TSHR: variants seen among roughly 807,000 people sequenced by gnomAD.
The protein encoded by TSHR is thyroid stimulating hormone receptor.
TSHR carries 51 observed loss-of-function variants against 64.1 expected under a neutral mutation model. The observed-to-expected ratio is 0.80, with a 90% CI of 0.64 to 1.01. The LOEUF (loss-of-function observed/expected upper bound fraction) is 1.01. Ranked by LOEUF, TSHR falls within the 50% of genes least tolerant of loss-of-function variation. The probability of loss-of-function intolerance (pLI) is 0.00; values close to 1 mark genes in which losing one functional copy is unlikely to be tolerated. For synonymous variants in TSHR, 361 were observed against 361.9 expected (o/e 1.00, Z 0.03); for missense variants, 877 against 942.8 (o/e 0.93, Z 0.91).
At chr14:81,016,005 A>G (rs553226837) in intron 1 of TSHR, among the ~76,000 whole-genome samples, 2 of 152,104 alleles carry the variant, frequency 1.3e-5, no homozygotes, top group South Asian at 2.1e-4. Context: ...TGTGCCACTT[A>G]AAAAAAATCC....
chr14:81,042,872 A>G (rs1234323267), intron 1 of TSHR, among the ~76,000 whole-genome samples: 2 of 152,202 alleles, frequency 1.3e-5, no homozygotes, highest in African/African-American at 4.8e-5. Flanking sequence ...TTACACAACT[A>G]TACATGTACT....
At position 81,144,292 on chromosome 14, in the gene TSHR, C is replaced by T; in HGVS notation, c.2234C>T (p.Ser745Phe). 1.2e-6 allele frequency: 2 copies of T among 1,614,142 alleles called. No homozygotes were observed. Among genetic ancestry groups the T allele is most frequent in the Non-Finnish European group, 1.7e-6 (2 of 1,180,014 alleles). The change falls in exon 10 of 10, where the codon TCC becomes TTC. Residue 745 changes from serine (S) to phenylalanine (F), a missense_variant. By Grantham distance (155) the Ser-to-Phe change is radical (BLOSUM62 -2). Coordinates refer to ENST00000298171, the MANE Select transcript of TSHR (RefSeq NM_000369.5). ...MEDVYELIEN[S>F]HLTPKKQGQI... ...GATGTCTATGAACTGATTGAAAACT[C>T]CCATCTAACCCCAAAGAAGCAAGGC...
chr14:81,114,533 C>A (rs1306805901), intron 8 of TSHR, among the ~76,000 whole-genome samples: 1 of 152,152 alleles, frequency 6.6e-6, no homozygotes, highest in East Asian at 1.9e-4. Context: ...GGTCCTACGC[C>A]CACGGAGTCT....
intron 1 of TSHR, among the ~76,000 whole-genome samples, chr14:80,975,274 T>C (rs539436055): frequency 3.2e-4 from 49 of 151,242 alleles, no homozygotes; most frequent in Admixed American, 3.1e-3. Context: ...GCAACACAAA[T>C]GAAGTATTTC....
chr14:80,989,609 C>T (rs1473227024), intron 1 of TSHR, among the ~76,000 whole-genome samples: 1 of 152,136 alleles, frequency 6.6e-6, no homozygotes, highest in Non-Finnish European at 1.5e-5. Flanking sequence ...TCCTACAAAT[C>T]CTTCAAGTCT....
At chr14:81,000,993 A>C (rs181360861) in intron 1 of TSHR, among the ~76,000 whole-genome samples, 5 of 152,148 alleles carry the variant, frequency 3.3e-5, no homozygotes, top group African/African-American at 1.2e-4. Flanking sequence ...AAGGAAAAAC[A>C]AGGACAGGCG....
intron 1 of TSHR, chr14:80,993,911 G>A (rs1888870662): frequency 6.6e-6 from 1 of 151,562 alleles, no homozygotes; most frequent in Admixed American, 6.6e-5. Context: ...ACACAAGTTT[G>A]AACTTCACAG....
chr14:81,013,805 A>G (rs1461906634), intron 1 of TSHR: 1 of 152,208 alleles, frequency 6.6e-6, no homozygotes, highest in Non-Finnish European at 1.5e-5. Flanking sequence ...TTAGAGTTCT[A>G]GAAAACATTG....
intron 2 of TSHR, among the ~76,000 whole-genome samples, chr14:81,063,745 T>C (rs981504579): frequency 2.0e-5 from 3 of 152,128 alleles, no homozygotes; most frequent in African/African-American, 7.2e-5. Context: ...TCAGTTTTAT[T>C]CCTAAGAGAG....
chr14:81,069,835 T>C (rs1013873792), intron 3 of TSHR, among the ~76,000 whole-genome samples: 2 of 152,074 alleles, frequency 1.3e-5, no homozygotes, highest in Non-Finnish European at 2.9e-5. Flanking sequence ...CAATAGAAAA[T>C]GATCCATAGG....
At chr14:81,141,086 A>T (rs575023413) in intron 9 of TSHR, among the ~76,000 whole-genome samples, 1 of 152,246 alleles carries the variant, frequency 6.6e-6, no homozygotes, top group Admixed American at 6.5e-5. Flanking sequence ...AGATCGTGCC[A>T]GTGCACTCCA....
At chr14:81,067,812 A>G (rs988958991) in intron 2 of TSHR, among the ~76,000 whole-genome samples, 2 of 148,990 alleles carry the variant, frequency 1.3e-5, no homozygotes, top group East Asian at 3.9e-4. Context: ...AGAACACTAG[A>G]GTGAATAAGA....
Position 81,108,551 on chromosome 14 carries a change from T to C in TSHR, c.692+99T>C, listed in dbSNP as rs750886782. On this transcript the variant is annotated intron_variant, in intron 8 of 9. Transcript: ENST00000298171. ...AAGGGGAGAATCTTATGTTCAAGGG[T>C]AGAAAATGTTGCTGTCTCGGGTAAA... The C allele has an allele frequency of 4.3e-6, 7 of 1,612,016 alleles. No individual in the cohort carries two copies. The Admixed American group carries it at 1.2e-4, about 27-fold the overall frequency.
intron 3 of TSHR, among the ~76,000 whole-genome samples, chr14:81,084,185 G>T (rs965053): frequency 6.6e-6 from 1 of 152,066 alleles, no homozygotes; most frequent in Non-Finnish European, 1.5e-5. Flanking sequence ...TAATCAATAC[G>T]CTTTAAGAGC....
chr14:81,034,052 T>G (rs2268473), intron 1 of TSHR, among the ~76,000 whole-genome samples: 36,273 of 152,082 alleles, frequency 0.24, 4,410 homozygotes, highest in South Asian at 0.32. Flanking sequence ...GCTTCCTCTT[T>G]AGAAGTAGGA....
At chr14:81,114,238 G>C (rs1173094608) in intron 8 of TSHR, among the ~76,000 whole-genome samples, 1 of 152,068 alleles carries the variant, frequency 6.6e-6, no homozygotes, top group African/African-American at 2.4e-5. Context: ...CGCAGAAGAC[G>C]GGTGATTTCT....
chr14:81,059,621 T>A (rs1425333133), intron 1 of TSHR, among the ~76,000 whole-genome samples: 3 of 152,152 alleles, frequency 2.0e-5, no homozygotes, highest in African/African-American at 7.2e-5. Flanking sequence ...ATTATTTTTA[T>A]CTCAGGCTGA....
chr14:81,009,334 G>A (rs1434323035), intron 1 of TSHR, among the ~76,000 whole-genome samples: 1 of 152,112 alleles, frequency 6.6e-6, no homozygotes, highest in Admixed American at 6.5e-5. Context: ...TGGCTACACT[G>A]CATATTAATT....
intron 1 of TSHR, among the ~76,000 whole-genome samples, chr14:81,041,628 TTACC>T (rs1387182257): frequency 2.6e-5 from 4 of 152,038 alleles, no homozygotes; most frequent in African/African-American, 9.7e-5. Context: ...GGACACAAGT[TTACC>T]TATGGAACAA....
Sources: gnomAD v4.1 joint callset for allele counts (sites outside exome capture counted in the v4.1 genomes callset) on GRCh38, gnomAD v4.1.1 for gene constraint, MANE v1.5 for transcripts, NCBI Gene and HGNC (gene_info 2026-07-23, HGNC 2026-07-21) for gene names.